The following TMEM263 variants were observed in gnomAD, a reference collection of about 807,000 sequenced individuals.
TMEM263 encodes UPF0444 transmembrane protein C12orf23.
A neutral mutation model predicts 8.6 loss-of-function variants in TMEM263; 5 were observed. The ratio of observed to expected loss-of-function variants is 0.58; its 90% CI spans 0.31 to 1.23. The LOEUF (loss-of-function observed/expected upper bound fraction) is 1.23. TMEM263 is among the 50% of genes most tolerant of loss of function. The pLI, the probability that TMEM263 is intolerant of heterozygous loss-of-function variation, is 0.07. For synonymous variants in TMEM263, 50 were observed against 47.9 expected (o/e 1.04, Z -0.18); for missense variants, 104 against 138.8 (o/e 0.75, Z 1.26).
intron 2 of TMEM263, among the ~76,000 whole-genome samples, chr12:106,961,448 TACTC>T (rs1951777484): frequency 6.6e-6 from 1 of 152,020 alleles, no homozygotes; most frequent in Non-Finnish European, 1.5e-5. Context: ...GTAAATAAGA[TACTC>T]AAATTGCAAA....
At chr12:106,969,319 C>T (rs1951886932) in intron 3 of TMEM263, among the ~76,000 whole-genome samples, 1 of 152,142 alleles carries the variant, frequency 6.6e-6, no homozygotes, top group Admixed American at 6.6e-5. Flanking sequence ...GACTTACGTA[C>T]CCAGTAATTT....
intron 1 of TMEM263, among the ~76,000 whole-genome samples, chr12:106,956,372 G>A (rs1426131547): frequency 6.6e-6 from 1 of 152,200 alleles, no homozygotes; most frequent in Non-Finnish European, 1.5e-5. Flanking sequence ...TGGGGGCGGA[G>A]GAGGAAGGTG....
intron 3 of TMEM263, among the ~76,000 whole-genome samples, chr12:106,969,596 G>A (rs552716593): frequency 6.6e-6 from 1 of 151,798 alleles, no homozygotes; most frequent in Non-Finnish European, 1.5e-5. Context: ...TGTGGTGGTG[G>A]GCACCTGTAA....
intron 2 of TMEM263, among the ~76,000 whole-genome samples, chr12:106,965,736 T>G (rs78606731): frequency 0.038 from 5,800 of 152,122 alleles, 117 homozygotes; most frequent in African/African-American, 0.058. Flanking sequence ...ATTTATTGCC[T>G]TTCCCCATTG....
rs1377930365 is a variant in TMEM263, at chr12:106,971,737, G to A, written c.*346G>A. 5.7e-6 allele frequency: 1 copy of A among 176,256 alleles called. No homozygotes were observed. Among genetic ancestry groups the A allele is most frequent in the Non-Finnish European group, 1.2e-5 (1 of 84,002 alleles). The allele number at this position is 176,256 out of a possible 1,614,324, so 10.9% of individuals were successfully genotyped here. ...ATCTTCACAGTTCCATATGTATAAT[G>A]TGCCAGGTAACTCACCTGCCCCTTA... On this transcript the variant is annotated 3_prime_UTR_variant, in exon 4 of 4. Transcript: ENST00000280756.
Position 106,971,398 on chromosome 12 carries a change from G to C in TMEM263, c.*7G>C, listed in dbSNP as rs1410722866. The C allele has an allele frequency of 1.9e-6, 3 of 1,591,668 alleles. No homozygotes were observed. Among genetic ancestry groups the C allele is most frequent in the Non-Finnish European group, 2.6e-6 (3 of 1,167,586 alleles). On this transcript the variant is annotated 3_prime_UTR_variant, in exon 4 of 4. Transcript: ENST00000280756. ...GAAAGACAAATCTGACTGAAATATAGAGATACACTTGCGCTCCACAGCACT... is the reference window on the plus strand; with the variant it reads ...GAAAGACAAATCTGACTGAAATATACAGATACACTTGCGCTCCACAGCACT...
chr12:106,969,707 C>T (rs1337469053), intron 3 of TMEM263, among the ~76,000 whole-genome samples: 1 of 138,832 alleles, frequency 7.2e-6, no homozygotes, highest in Non-Finnish European at 1.5e-5. Flanking sequence ...GCCTGGGTGA[C>T]AGAGCAAGAC....
chr12:106,967,233 C>A, intron 3 of TMEM263, 53 bp downstream of exon 3: 1 of 1,081,428 alleles, frequency 9.2e-7, no homozygotes, highest in South Asian at 1.5e-5. Context: ...AATTAAAGTT[C>A]TGATAGTTTT....
At chr12:106,964,582 A>G (rs1408184065) in intron 2 of TMEM263, among the ~76,000 whole-genome samples, 3 of 152,224 alleles carry the variant, frequency 2.0e-5, no homozygotes, top group African/African-American at 7.2e-5. Flanking sequence ...TAGCTTTACT[A>G]TTACTTTTTA....
At chr12:106,957,014 G>A in intron 1 of TMEM263, 68 bp from the exon 2 acceptor site, 3 of 917,126 alleles carry the variant, frequency 3.3e-6, no homozygotes, top group Non-Finnish European at 3.9e-6. Context: ...GCGTCCTTGT[G>A]AACACTGTGC....
At chr12:106,963,756 A>G (rs184071342) in intron 2 of TMEM263, among the ~76,000 whole-genome samples, 13 of 152,350 alleles carry the variant, frequency 8.5e-5, no homozygotes, top group Admixed American at 3.3e-4. Flanking sequence ...AAGCAGAACT[A>G]ATTTTTAAAA....
intron 3 of TMEM263, among the ~76,000 whole-genome samples, chr12:106,969,725 CAAA>C (rs61146766): frequency 5.4e-5 from 5 of 93,096 alleles, no homozygotes; most frequent in Non-Finnish European, 2.3e-5. Flanking sequence ...GACTCTGTCT[CAAA>C]AAAAAAAAAA....
chr12:106,970,327 A>G (rs185483799), intron 3 of TMEM263, among the ~76,000 whole-genome samples: 1 of 152,200 alleles, frequency 6.6e-6, no homozygotes, highest in Admixed American at 6.5e-5. Context: ...TGAATATTTT[A>G]TGCATTAAAA....
At chr12:106,960,184 G>C (rs938940381) in intron 2 of TMEM263, among the ~76,000 whole-genome samples, 1 of 151,978 alleles carries the variant, frequency 6.6e-6, no homozygotes, top group Non-Finnish European at 1.5e-5. Flanking sequence ...ACAGGCATGC[G>C]CCACCATGCC....
At chr12:106,959,501 T>G (rs1951740781) in intron 2 of TMEM263, 1 of 152,188 alleles carries the variant, frequency 6.6e-6, no homozygotes, top group African/African-American at 2.4e-5. Flanking sequence ...CCTCAGCCTT[T>G]CAAAGTGCTG....
At position 106,969,870 on chromosome 12, in the gene TMEM263, T is replaced by C. The variant is rs563699227; in HGVS notation, c.65-1235T>C. Among the ~76,000 whole-genome samples the C allele has an allele frequency of 2.6e-5, 4 of 151,502 alleles. No individual in the cohort carries two copies. The East Asian group carries it at 5.8e-4, about 22-fold the overall frequency. ...GAGCTTACATGCTAATATATGTGGC[T>C]CTATTTAAAAAAAAAAAACAAAGAA... is the stretch of plus-strand genomic sequence containing the variant. On this transcript the variant is annotated intron_variant, in intron 3 of 3. Transcript: ENST00000280756.
At chr12:106,959,270 T>C (rs571457324) in intron 2 of TMEM263, 1 of 152,172 alleles carries the variant, frequency 6.6e-6, no homozygotes, top group Admixed American at 6.5e-5. Context: ...TGATATGGAG[T>C]CTTGCTCTGT....
intron 2 of TMEM263, among the ~76,000 whole-genome samples, chr12:106,966,250 T>C (rs902194507): frequency 2.0e-5 from 3 of 152,236 alleles, no homozygotes; most frequent in Admixed American, 6.5e-5. Flanking sequence ...TTTGGTTTTC[T>C]GTTCCAGTGT....
Position 106,971,418 on chromosome 12 carries a change from A to G in TMEM263, c.*27A>G, listed in dbSNP as rs1487254886. 8 of 1,554,164 alleles carry G rather than the reference A, an allele frequency of 5.1e-6. No individual in the cohort carries two copies. The highest frequency in any genetic ancestry group is 1.9e-5 in the Admixed American group (1 of 52,796). On this transcript the variant is annotated 3_prime_UTR_variant, in exon 4 of 4. Transcript: ENST00000280756. ...ATATAGAGATACACTTGCGCTCCAC[A>G]GCACTGTAATGCCAGTGGCATTGAA...
Sources: gnomAD v4.1 joint callset for allele counts (sites outside exome capture counted in the v4.1 genomes callset) on GRCh38, gnomAD v4.1.1 for gene constraint, MANE v1.5 for transcripts, NCBI Gene and HGNC (gene_info 2026-07-23, HGNC 2026-07-21) for gene names.